MCC: variants seen among roughly 807,000 people sequenced by gnomAD.
The protein encoded by MCC is MCC regulator of Wnt signaling pathway, also known as colorectal mutant cancer protein.
MCC carries 90 observed loss-of-function variants against 116.2 expected under a neutral mutation model. That is an observed-to-expected ratio of 0.77 (90% confidence interval 0.65 to 0.92). The LOEUF is 0.92. Ranked by LOEUF, MCC falls within the 40% of genes least tolerant of loss-of-function variation. The probability of loss-of-function intolerance (pLI) is 0.00; values close to 1 mark genes in which losing one functional copy is unlikely to be tolerated. For missense variants in MCC, 1,516 were observed against 1,312.2 expected, an observed-to-expected ratio of 1.16 and a Z score of -2.40; for synonymous variants, 578 against 510.5, an observed-to-expected ratio of 1.13 and a Z score of -1.78.
chr5:113,190,800 G>A (rs1237509526), intron 3 of MCC, among the ~76,000 whole-genome samples: 1 of 152,186 alleles, frequency 6.6e-6, no homozygotes. Context: ...TCCCTTACTG[G>A]GTGTGGGGAA....
At chr5:113,063,591 TGGGACCAGA>T (rs1753371342) in intron 14 of MCC, among the ~76,000 whole-genome samples, 1 of 152,220 alleles carries the variant, frequency 6.6e-6, no homozygotes, top group African/African-American at 2.4e-5. Context: ...GGCTGGGCCT[TGGGACCAGA>T]GGGACCATTT....
Position 113,083,012 on chromosome 5 carries a change from C to T in MCC, c.1636-4G>A, listed in dbSNP as rs765420720. On this transcript the variant is annotated splice_polypyrimidine_tract_variant and splice_region_variant and intron_variant, in intron 10 of 18. Coordinates refer to ENST00000408903, the MANE Select transcript of MCC (RefSeq NM_001085377.2). ...GTTCAGCCACACTGCTGGATACCTGCAAAAAGAAGCATTAATTCCCCTTTG... is the reference window on the plus strand; with the variant it reads ...GTTCAGCCACACTGCTGGATACCTGTAAAAAGAAGCATTAATTCCCCTTTG... 9 of 1,604,944 alleles carry T rather than the reference C, an allele frequency of 5.6e-6. No homozygotes were observed. The highest frequency in any genetic ancestry group is 6.8e-6 in the Non-Finnish European group (8 of 1,177,304).
intron 6 of MCC, among the ~76,000 whole-genome samples, chr5:113,114,725 T>C (rs762722067): frequency 1.3e-5 from 2 of 152,134 alleles, no homozygotes; most frequent in Admixed American, 6.5e-5. Flanking sequence ...CTTGACACCG[T>C]TGCTTCGGAG....
chr5:113,386,168 G>A (rs1312804507), intron 1 of MCC, among the ~76,000 whole-genome samples: 1 of 152,126 alleles, frequency 6.6e-6, no homozygotes, highest in Admixed American at 6.5e-5. Context: ...GAATTTAAGT[G>A]CTGGAAGAGA....
intron 3 of MCC, among the ~76,000 whole-genome samples, chr5:113,319,051 T>C (rs1767356610): frequency 6.6e-6 from 1 of 152,132 alleles, no homozygotes; most frequent in Admixed American, 6.6e-5. Flanking sequence ...ATACATTTTA[T>C]AGAGACGGAG....
At position 113,101,758 on chromosome 5, in the gene MCC, C is replaced by T; in HGVS notation, c.1379G>A (p.Arg460Gln). The T allele has an allele frequency of 2.5e-6, 4 of 1,613,408 alleles. No homozygotes were observed. Among genetic ancestry groups the T allele is most frequent in the African/African-American group, 1.3e-5 (1 of 75,038 alleles). Residue 460 changes from arginine to glutamine, a missense_variant, in exon 8 of 19, where the codon CGG becomes CAG. By Grantham distance (43) the Arg-to-Gln change is conservative. Coordinates refer to ENST00000408903, the MANE Select transcript of MCC (RefSeq NM_001085377.2). ...KATMNAIREE[R>Q]DRLRRRVREL... ...GCTCACCCTCCTCCGGAGCCGGTCCCGCTCTTCCCGGATGGCATTCATGGT... is the reference window on the plus strand; with the variant it reads ...GCTCACCCTCCTCCGGAGCCGGTCCTGCTCTTCCCGGATGGCATTCATGGT...
chr5:113,373,003 C>T (rs1377279324), intron 2 of MCC, among the ~76,000 whole-genome samples: 1 of 151,992 alleles, frequency 6.6e-6, no homozygotes, highest in African/African-American at 2.4e-5. Flanking sequence ...ACCATGAAAC[C>T]CCGTCTTTAC....
At chr5:113,094,806 C>T (rs1184082347) in intron 8 of MCC, among the ~76,000 whole-genome samples, 1 of 152,198 alleles carries the variant, frequency 6.6e-6, no homozygotes, top group Non-Finnish European at 1.5e-5. Context: ...GCAGCCTGGC[C>T]TCCTCATAGG....
chr5:113,171,732 C>T (rs17135376), intron 3 of MCC, among the ~76,000 whole-genome samples: 4,730 of 152,134 alleles, frequency 0.031, 249 homozygotes, highest in African/African-American at 0.11. Context: ...AGGTGGTTAC[C>T]GGGCAGCCTC....
At position 113,091,326 on chromosome 5, in the gene MCC, A is replaced by G. The variant is rs186612554; in HGVS notation, c.1399-6016T>C. The stretch of plus-strand genomic sequence containing the variant: ...AAATCGCCCAGTATCAAGAGAGAAC[A>G]GGAGACTTAGGCTTCCCATGACTGG... On this transcript the variant is annotated intron_variant, in intron 8 of 18. Transcript: ENST00000408903. Among the ~76,000 whole-genome samples the G allele has an allele frequency of 6.8e-3, 1,038 of 152,326 alleles. 8 individuals carry two copies. The highest frequency in any genetic ancestry group is 0.012 in the Non-Finnish European group (826 of 68,028).
intron 18 of MCC, among the ~76,000 whole-genome samples, chr5:113,028,092 AC>A (rs1278138354): frequency 6.6e-6 from 1 of 152,204 alleles, no homozygotes; most frequent in Non-Finnish European, 1.5e-5. Context: ...CATTCCATGT[AC>A]AGTCATTACC....
intron 3 of MCC, among the ~76,000 whole-genome samples, chr5:113,223,020 C>T (rs1763606751): frequency 6.6e-6 from 1 of 152,180 alleles, no homozygotes. Context: ...GTGAGCTTTG[C>T]CAGACTACTG....
At chr5:113,076,626 C>T (rs1754474111) in intron 11 of MCC, among the ~76,000 whole-genome samples, 1 of 152,094 alleles carries the variant, frequency 6.6e-6, no homozygotes, top group Admixed American at 6.6e-5. Context: ...ATTTTGTCAC[C>T]ACCAGGCCTG....
chr5:113,132,419 C>T (rs1023726668), intron 5 of MCC, among the ~76,000 whole-genome samples: 12 of 125,128 alleles, frequency 9.6e-5, no homozygotes, highest in Admixed American at 1.7e-4. Flanking sequence ...TATATATATA[C>T]ACACATACAT....
intron 11 of MCC, among the ~76,000 whole-genome samples, chr5:113,079,851 G>C (rs557209682): frequency 5.9e-5 from 9 of 152,124 alleles, no homozygotes; most frequent in Non-Finnish European, 8.8e-5. Context: ...AAAAGAAACT[G>C]CCATCAGAGT....
At chr5:113,163,736 C>A (rs1340414037) in intron 3 of MCC, among the ~76,000 whole-genome samples, 1 of 152,192 alleles carries the variant, frequency 6.6e-6, no homozygotes, top group Admixed American at 6.5e-5. Flanking sequence ...ATCCTTACCT[C>A]TTCCCACCAC....
intron 1 of MCC, among the ~76,000 whole-genome samples, chr5:113,410,445 G>A (rs974393752): frequency 4.6e-5 from 7 of 152,056 alleles, no homozygotes; most frequent in African/African-American, 1.7e-4. Context: ...TGATCAATTC[G>A]GTAGGTTAAA....
intron 3 of MCC, among the ~76,000 whole-genome samples, chr5:113,171,390 C>G (rs1761065211): frequency 6.6e-6 from 1 of 151,640 alleles, no homozygotes; most frequent in Non-Finnish European, 1.5e-5. Context: ...GAGTGTCACT[C>G]TGTTGCCTAG....
Position 113,179,512 on chromosome 5 carries a change from G to T in MCC, c.628-28090C>A, listed in dbSNP as rs543025315. On this transcript the variant is annotated intron_variant, in intron 3 of 18. Coordinates refer to ENST00000408903, the MANE Select transcript of MCC (RefSeq NM_001085377.2). The stretch of plus-strand genomic sequence containing the variant: ...TCCCAAAATGGGTTCAAGATGTTCT[G>T]GCTGCCATTGTGGTTGTGTGTTGAT... 3.0e-3 allele frequency among the ~76,000 whole-genome samples: 450 copies of T among 152,252 alleles called. 5 individuals are homozygous for T. Among genetic ancestry groups the T allele is most frequent in the Non-Finnish European group, 1.8e-3 (122 of 68,008 alleles).
Sources: allele counts gnomAD v4.1 joint callset (sites outside exome capture counted in the v4.1 genomes callset), GRCh38; gene constraint gnomAD v4.1.1; transcripts MANE v1.5; gene names NCBI Gene and HGNC (gene_info 2026-07-23, HGNC 2026-07-21).